Variants in RSAD1 observed in about 807,000 individuals in gnomAD.
RSAD1 encodes radical S-adenosyl methionine domain-containing protein 1, mitochondrial.
In RSAD1, 34 loss-of-function variants were observed where a neutral mutation model predicts 46.2. That is an observed-to-expected ratio of 0.74 (90% CI 0.56 to 0.98). The LOEUF (loss-of-function observed/expected upper bound fraction) is 0.98. Among genes scored for constraint, RSAD1 ranks in the 50% least tolerant of loss-of-function variants. RSAD1 has a pLI of 0.00. For synonymous variants in RSAD1, 260 were observed against 253.5 expected (o/e 1.03, Z -0.24); for missense variants, 635 against 592.3 (o/e 1.07, Z -0.75).
chr17:50,479,371 G>A (rs2033350590), intron 1 of RSAD1: 1 of 521,618 alleles, frequency 1.9e-6, no homozygotes, highest in Non-Finnish European at 3.3e-6. Context: ...CCCAGAAAGA[G>A]CTTGGGTTGA....
rs145626029 is a variant in RSAD1 at position 50,479,676 on chromosome 17, C to T, written c.183C>T (p.Tyr61=). 9.6e-5 allele frequency: 155 copies of T among 1,614,024 alleles called. No individual in the cohort carries two copies. The Middle Eastern group carries it at 4.3e-3, about 45-fold the overall frequency. ...GCAGTTACTGCAACTTCAACAAGTA[C>T]ATCCCTCGCCGCCTGGAGGAGGCTG... is the stretch of plus-strand genomic sequence containing the variant. ...KRCSYCNFNK[Y]IPRRLEEAAM... The change falls in exon 2 of 9, where the codon TAC becomes TAT. Residue 61 remains tyrosine (Y), a synonymous_variant. Coordinates refer to ENST00000258955, the MANE Select transcript of RSAD1 (RefSeq NM_018346.3).
At chr17:50,483,922 T>C (rs2033417806) in intron 7 of RSAD1, 162 bp downstream of exon 7, 1 of 659,900 alleles carries the variant, frequency 1.5e-6, no homozygotes, top group Non-Finnish European at 2.6e-6. Context: ...GCAGAAGCAG[T>C]GAGCAGTGGT....
intron 7 of RSAD1, chr17:50,484,191 G>A (rs1031534942): frequency 3.2e-5 from 17 of 524,518 alleles, no homozygotes; most frequent in Non-Finnish European, 5.8e-5. Flanking sequence ...AGAGCTGGCT[G>A]AGAGGGGAGG....
At chr17:50,479,596 C>T in intron 1 of RSAD1, 33 bp from the exon 2 acceptor site, 1 of 1,612,326 alleles carries the variant, frequency 6.2e-7, no homozygotes, top group Non-Finnish European at 8.5e-7. Flanking sequence ...GCCAGGGCAG[C>T]TCTCACCGCG....
In RSAD1 at chr17:50,482,099, T is replaced by A. The variant is rs749203004; in HGVS notation, c.483T>A (p.Asp161Glu). 2.7e-5 allele frequency: 42 copies of A among 1,564,234 alleles called. No individual in the cohort carries two copies. The highest frequency in any genetic ancestry group is 3.7e-5 in the Admixed American group (2 of 53,474). ...CCACCCTCTTTTCCCAGTCCCTAGA[T>A]GACACTGAGCTCCGGCTGTTGGGAC... ...NRLSIGLQSL[D>E]DTELRLLGRT... is the part of the protein sequence containing the mutation. The change falls in exon 4 of 9, where the codon GAT becomes GAA. Residue 161 changes from aspartate (D) to glutamate (E), a missense_variant. Transcript: ENST00000258955.
At chr17:50,480,825 C>G (rs957366987) in intron 3 of RSAD1, among the ~76,000 whole-genome samples, 1 of 152,182 alleles carries the variant, frequency 6.6e-6, no homozygotes, top group African/African-American at 2.4e-5. Flanking sequence ...CACATCACTT[C>G]TAAGATATTC....
Position 50,482,142 on chromosome 17 carries a change from G to C in RSAD1, c.526G>C (p.Asp176His). 6.3e-7 allele frequency: 1 copy of C among 1,591,420 alleles called. No homozygotes were observed. Among genetic ancestry groups the C allele is most frequent in the Non-Finnish European group, 8.6e-7 (1 of 1,166,130 alleles). The change falls in exon 4 of 9, where the codon GAT becomes CAT. Residue 176 changes from aspartate to histidine, a missense_variant. Transcript: ENST00000258955. ...RLLGRTHSAC[D>H]ALRTLAEARR... ...GTTGGGACGGACGCACTCGGCCTGC[G>C]ATGCTCTGCGGACGCTGGCAGAGGC...
Position 50,483,477 on chromosome 17 carries a change from A to C in RSAD1, c.1042A>C (p.Arg348=), listed in dbSNP as rs1360826306. 2 of 1,612,904 alleles carry C rather than the reference A, an allele frequency of 1.2e-6. No homozygotes were observed. Among genetic ancestry groups the C allele is most frequent in the South Asian group, 1.1e-5 (1 of 90,764 alleles). Reference sequence around the variant, plus strand: ...CACCCGGAAGCGTGTCCCCCTGGGCAGGCTGGAGCTGTGAGCATCCAAGGG... The same window carrying C: ...CACCCGGAAGCGTGTCCCCCTGGGCCGGCTGGAGCTGTGAGCATCCAAGGG... ...HGTRKRVPLG[R]LELLEEVLAL... Residue 348 remains arginine (R), a synonymous_variant, in exon 6 of 9, where the codon AGG becomes CGG. Coordinates refer to ENST00000258955, the MANE Select transcript of RSAD1 (RefSeq NM_018346.3).
At chr17:50,480,172 T>G in intron 3 of RSAD1, 88 bp downstream of exon 3, 1 of 1,388,702 alleles carries the variant, frequency 7.2e-7, no homozygotes, top group Non-Finnish European at 1.0e-6. Flanking sequence ...GGGCAAACAT[T>G]GATTGAGCAC....
rs984322249 is a variant in RSAD1 at position 50,484,322 on chromosome 17, A to G, written c.1108-120A>G. 4.4e-5 allele frequency: 35 copies of G among 796,284 alleles called. No homozygotes were observed. In the African/African-American group the frequency reaches 5.6e-4, roughly 13 times the overall value. 49.3% of individuals were successfully genotyped at this position (796,284 alleles called of 1,614,324 possible). A position where few individuals can be genotyped will look rare whatever the true frequency, so the allele number is the denominator to read the frequency against. Reference sequence around the variant, plus strand: ...CATTGGCCTGGTTCTGCTTTCATGCATGTCAGCTGCTGAGATCTCCATGCT... The same window carrying G: ...CATTGGCCTGGTTCTGCTTTCATGCGTGTCAGCTGCTGAGATCTCCATGCT... On this transcript the variant is annotated intron_variant, in intron 7 of 8. Transcript: ENST00000258955.
At chr17:50,479,142 C>G (rs1208701252) in intron 1 of RSAD1, 123 bp downstream of exon 1, 7 of 1,098,000 alleles carry the variant, frequency 6.4e-6, no homozygotes. Flanking sequence ...TTCCGTGCCC[C>G]CGTACGAGGT....
chr17:50,479,338 AAATTGTATGAAAATT>A (rs1383645731), intron 1 of RSAD1: 1 of 492,344 alleles, frequency 2.0e-6, no homozygotes, highest in African/African-American at 2.0e-5. Flanking sequence ...GCTCATAGGA[AAATTGTATGAAAATT>A]ATATGATCCC....
rs376878139 is a variant in RSAD1, at chr17:50,483,211, A to AAGAAAGAAAAGAAAGAC, written c.905-128_905-127insGAAAGAAAAGAAAGACA. 89 of 964,642 alleles carry AAGAAAGAAAAGAAAGAC rather than the reference A, an allele frequency of 9.2e-5. 1 individual carries two copies. In the African/African-American group the frequency reaches 1.6e-3, roughly 18 times the overall value. 59.8% of individuals were successfully genotyped at this position (964,642 alleles called of 1,614,324 possible). On this transcript the variant is annotated intron_variant, in intron 5 of 8. Transcript: ENST00000258955. ...AAAAAAAGAAAGAAAGAAAGAAAGAAAAGAAAAGAAAAATAATTTATATTT... is the reference window on the plus strand; with the variant it reads ...AAAAAAAGAAAGAAAGAAAGAAAGAAAGAAAGAAAAGAAAGACAAGAAAAGAAAAATAATTTATATTT...
rs2033415234 is a variant in RSAD1, at chr17:50,483,750, T to A, written c.1097T>A (p.Ile366Asn). ...LALGLRTDVG[I>N]THQHWQQFEP... ...CTGGGGCTACGCACCGATGTGGGGA[T>A]CACTCACCAGGTAAGGAGTTAGGAT... The change falls in exon 7 of 9, where the codon ATC becomes AAC. Residue 366 changes from isoleucine to asparagine, a missense_variant. Transcript: ENST00000258955. 6.2e-7 allele frequency: 1 copy of A among 1,610,342 alleles called. No individual in the cohort carries two copies. The highest frequency in any genetic ancestry group is 2.2e-5 in the East Asian group (1 of 44,824).
Position 50,483,349 on chromosome 17 carries a change from G to A in RSAD1, c.914G>A (p.Gly305Glu). ...QYLGVGPGAHGRFMPQGAGGH... is the reference protein window; with the variant it reads ...QYLGVGPGAHERFMPQGAGGH... ...TTGTTGATGTTGTCAGGGGCCCATG[G>A]ACGATTTATGCCCCAGGGGGCTGGA... The change falls in exon 6 of 9, where the codon GGA (glycine) becomes GAA (glutamate). Residue 305 changes from glycine (G) to glutamate (E), a missense_variant. Gly to Glu is a moderately conservative substitution (Grantham distance 98). Coordinates refer to ENST00000258955, the MANE Select transcript of RSAD1 (RefSeq NM_018346.3). 6.2e-7 allele frequency: 1 copy of A among 1,613,924 alleles called. No individual in the cohort carries two copies. The highest frequency in any genetic ancestry group is 8.5e-7 in the Non-Finnish European group (1 of 1,179,920).
chr17:50,479,543 T>A, intron 1 of RSAD1, 86 bp from the exon 2 acceptor site: 1 of 1,389,906 alleles, frequency 7.2e-7, no homozygotes, highest in Non-Finnish European at 9.5e-7. Context: ...GGGATAGGGG[T>A]GGGGGTGGGG....
At position 50,478,891 on chromosome 17, in the gene RSAD1, C is replaced by T; in HGVS notation, c.7C>T (p.Leu3Phe). 2 of 1,308,794 alleles carry T rather than the reference C, an allele frequency of 1.5e-6. No homozygotes were observed. The highest frequency in any genetic ancestry group is 1.9e-6 in the Non-Finnish European group (2 of 1,036,378). 81.1% of individuals were successfully genotyped at this position (1,308,794 alleles called of 1,614,324 possible). Reference protein sequence around the residue: MALPGARARGWAA... With the variant: MAFPGARARGWAA... ...CCGCGCTGCGCTGGGCGCCATGGCG[C>T]TCCCCGGAGCCCGGGCTCGCGGCTG... Residue 3 changes from leucine (L) to phenylalanine (F), a missense_variant, in exon 1 of 9, where the codon CTC (leucine) becomes TTC (phenylalanine). Transcript: ENST00000258955.
At chr17:50,484,407 C>G (rs371720720) in intron 7 of RSAD1, 35 bp from the exon 8 acceptor site, 16 of 1,596,828 alleles carry the variant, frequency 1.0e-5, no homozygotes, top group Non-Finnish European at 1.4e-5. Flanking sequence ...AGTAGCCAGG[C>G]CAGCTCCCCA....
At chr17:50,479,787 C>A (rs771223951) in intron 2 of RSAD1, 25 bp downstream of exon 2, 12 of 1,592,882 alleles carry the variant, frequency 7.5e-6, no homozygotes, top group Non-Finnish European at 6.0e-6. Flanking sequence ...CTGTAGGCAG[C>A]GTTTTGGGAA....
Sources: gnomAD v4.1 joint callset for allele counts (sites outside exome capture counted in the v4.1 genomes callset) on GRCh38, gnomAD v4.1.1 for gene constraint, MANE v1.5 for transcripts, NCBI Gene and HGNC (gene_info 2026-07-23, HGNC 2026-07-21) for gene names.